The following CCDC25 variants were observed in gnomAD, a reference collection of about 807,000 sequenced individuals.
CCDC25 encodes coiled-coil domain-containing protein 25.
CCDC25 carries 16 observed loss-of-function variants against 35.3 expected under a neutral mutation model. That is an observed-to-expected ratio of 0.45 (90% CI 0.31 to 0.69). The LOEUF (loss-of-function observed/expected upper bound fraction) is 0.69. CCDC25 is among the 30% of genes least tolerant of loss of function. The pLI, the probability that CCDC25 is intolerant of heterozygous loss-of-function variation, is 0.06. For missense variants in CCDC25, 179 were observed against 250.7 expected, an observed-to-expected ratio of 0.71 and a Z score of 1.93; for synonymous variants, 79 against 80.3, an observed-to-expected ratio of 0.98 and a Z score of 0.09.
intron 4 of CCDC25, among the ~76,000 whole-genome samples, chr8:27,756,076 G>C (rs1803993520): frequency 6.6e-6 from 1 of 152,174 alleles, no homozygotes; most frequent in African/African-American, 2.4e-5. Context: ...GTTGATGATG[G>C]GGGAAACTAG....
intron 4 of CCDC25, among the ~76,000 whole-genome samples, chr8:27,755,057 A>G (rs1375445404): frequency 6.6e-6 from 1 of 152,188 alleles, no homozygotes; most frequent in Non-Finnish European, 1.5e-5. Context: ...GACAAGGTTC[A>G]AGGGTGGCAC....
chr8:27,760,461 T>C (rs10110224), intron 3 of CCDC25, among the ~76,000 whole-genome samples: 88,538 of 151,970 alleles, frequency 0.58, 26,604 homozygotes, highest in East Asian at 0.98. Flanking sequence ...CAGCTGGGGT[T>C]GGCAGGAGCT....
intron 2 of CCDC25, 133 bp downstream of exon 2, chr8:27,765,071 T>C: frequency 1.3e-6 from 1 of 753,102 alleles, no homozygotes; most frequent in Non-Finnish European, 2.1e-6. Flanking sequence ...TTGTTCTGTT[T>C]CTCAAAAGCT....
chr8:27,738,735 A>C lies in CCDC25; in HGVS notation c.597+1737T>G, dbSNP rs148369334. ...AATATGGGGGCTAGATTTCTGGTGG[A>C]AAGTGCCTCTAAAACACAGAAAACT... On this transcript the variant is annotated intron_variant, in intron 8 of 8. Transcript: ENST00000356537. Among the ~76,000 whole-genome samples the C allele has an allele frequency of 5.9e-3, 899 of 152,286 alleles. 6 individuals carry two copies. Among genetic ancestry groups the C allele is most frequent in the African/African-American group, 0.02 (847 of 41,558 alleles).
chr8:27,751,077 A>C lies in CCDC25; in HGVS notation c.244+1435T>G, dbSNP rs540767437. 5.3e-5 allele frequency among the ~76,000 whole-genome samples: 8 copies of C among 152,340 alleles called. No individual in the cohort carries two copies. The South Asian group carries it at 1.5e-3, about 28-fold the overall frequency. ...GAAGGCTGAAGAGGAGAGAAACAGT[A>C]ATTCAGTGTCATGACTCTTTGCTCC... On this transcript the variant is annotated intron_variant, in intron 5 of 8. Coordinates refer to ENST00000356537, the MANE Select transcript of CCDC25 (RefSeq NM_018246.3).
intron 2 of CCDC25, among the ~76,000 whole-genome samples, chr8:27,764,791 T>C (rs1405905799): frequency 1.3e-5 from 2 of 152,220 alleles, no homozygotes; most frequent in Admixed American, 6.5e-5. Flanking sequence ...TCACATTTAC[T>C]ATCTCTGATC....
At chr8:27,758,624 T>C (rs1804102357) in intron 3 of CCDC25, among the ~76,000 whole-genome samples, 1 of 152,206 alleles carries the variant, frequency 6.6e-6, no homozygotes, top group South Asian at 2.1e-4. Context: ...TCTTTCAGAA[T>C]CTTAGGAAAA....
intron 7 of CCDC25, among the ~76,000 whole-genome samples, chr8:27,740,828 C>T (rs1269637849): frequency 6.6e-6 from 1 of 152,176 alleles, no homozygotes; most frequent in East Asian, 1.9e-4. Context: ...GGAAATTCAC[C>T]TACAGCCAAG....
chr8:27,756,637 C>T, intron 4 of CCDC25, 82 bp downstream of exon 4: 1 of 957,646 alleles, frequency 1.0e-6, no homozygotes, highest in Non-Finnish European at 1.7e-6. Context: ...TTACTGTAAG[C>T]AATTTAATTG....
intron 1 of CCDC25, among the ~76,000 whole-genome samples, chr8:27,768,615 G>C (rs1301570038): frequency 6.6e-6 from 1 of 151,264 alleles, no homozygotes; most frequent in Non-Finnish European, 1.5e-5. Flanking sequence ...GAACATCATT[G>C]CTGCACAACA....
chr8:27,765,471 G>A (rs561043277), intron 1 of CCDC25, among the ~76,000 whole-genome samples: 105 of 152,132 alleles, frequency 6.9e-4, no homozygotes, highest in African/African-American at 2.3e-3. Flanking sequence ...AATAAGCCAC[G>A]GAGATTGTAG....
At chr8:27,763,969 T>C (rs1804314230) in intron 2 of CCDC25, among the ~76,000 whole-genome samples, 1 of 152,064 alleles carries the variant, frequency 6.6e-6, no homozygotes, top group Admixed American at 6.6e-5. Context: ...GAAAGAGAAA[T>C]TTAAAAAATC....
intron 5 of CCDC25, among the ~76,000 whole-genome samples, chr8:27,749,293 G>A (rs1803714685): frequency 6.6e-6 from 1 of 152,152 alleles, no homozygotes; most frequent in African/African-American, 2.4e-5. Flanking sequence ...TCACTGGTCT[G>A]ACACTCTCTC....
intron 5 of CCDC25, among the ~76,000 whole-genome samples, chr8:27,749,289 G>A (rs1803714367): frequency 6.6e-6 from 1 of 152,076 alleles, no homozygotes; most frequent in Non-Finnish European, 1.5e-5. Flanking sequence ...TTAATCACTG[G>A]TCTGACACTC....
chr8:27,743,029 CT>C (rs1268002595), intron 7 of CCDC25, among the ~76,000 whole-genome samples: 2 of 152,196 alleles, frequency 1.3e-5, no homozygotes, highest in Non-Finnish European at 2.9e-5. Context: ...GGTCTTCCCC[CT>C]ACCAAACCAG....
In CCDC25 at chr8:27,737,924, T is replaced by C. The variant is rs1373893556; in HGVS notation, c.598-1679A>G. Among the ~76,000 whole-genome samples the C allele has an allele frequency of 1.4e-5, 2 of 141,824 alleles. No homozygotes were observed. The highest frequency in any genetic ancestry group is 2.2e-4 in the South Asian group (1 of 4,492). The allele number at this position is 141,824 out of a possible 152,430, so 93.0% of individuals were successfully genotyped here. A position where few individuals can be genotyped will look rare whatever the true frequency, so the allele number is the denominator to read the frequency against. On this transcript the variant is annotated intron_variant, in intron 8 of 8. Coordinates refer to ENST00000356537, the MANE Select transcript of CCDC25 (RefSeq NM_018246.3). The surrounding 1 kb of genome is among the most constrained non-coding windows in gnomAD (Gnocchi z 4.6). ...CACACACACACACACAAAGGAATAC[T>C]ATGCAGCTATAAAAAGGAATATATT...
intron 2 of CCDC25, chr8:27,764,240 G>A (rs1563458929): frequency 6.2e-6 from 1 of 160,380 alleles, no homozygotes; most frequent in Admixed American, 6.5e-5. Flanking sequence ...ATGACTCTAA[G>A]AGTTCCCAGG....
chr8:27,765,175 T>G (rs773448679), intron 2 of CCDC25, 29 bp downstream of exon 2: 1 of 1,493,834 alleles, frequency 6.7e-7, no homozygotes, highest in Non-Finnish European at 9.0e-7. Flanking sequence ...TGCTGAAAAT[T>G]TCAAAATCAA....
rs756849501 is a variant in CCDC25, at chr8:27,765,248, T to C, written c.32A>G (p.Asn11Ser). Reference protein sequence around the residue: MVFYFTSSSVNSSAYTIYMGK... With the variant: MVFYFTSSSVSSSAYTIYMGK... ...CATGTAAATAGTGTAGGCAGATGAA[T>C]TAACTAAGATAAAACAAAAATAAAA... The change falls in exon 2 of 9, where the codon AAT becomes AGT. Residue 11 changes from asparagine (N) to serine (S), a missense_variant. Physicochemically the swap from Asn to Ser is conservative, Grantham distance 46. Coordinates refer to ENST00000356537, the MANE Select transcript of CCDC25 (RefSeq NM_018246.3). The C allele has an allele frequency of 4.7e-6, 7 of 1,476,212 alleles. No homozygotes were observed. Among genetic ancestry groups the C allele is most frequent in the Non-Finnish European group, 6.4e-6 (7 of 1,092,036 alleles). The allele number at this position is 1,476,212 out of a possible 1,614,324, so 91.4% of individuals were successfully genotyped here. A position where few individuals can be genotyped will look rare whatever the true frequency, so the allele number is the denominator to read the frequency against.
Sources: allele counts gnomAD v4.1 joint callset (sites outside exome capture counted in the v4.1 genomes callset), GRCh38; gene constraint gnomAD v4.1.1; non-coding constraint Gnocchi (gnomAD v3.1); transcripts MANE v1.5; gene names NCBI Gene and HGNC (gene_info 2026-07-23, HGNC 2026-07-21).